Variants in BOC observed in about 807,000 individuals in gnomAD.
BOC encodes the protein BOC cell adhesion associated, oncogene regulated, also known as brother of CDO.
BOC carries 76 observed loss-of-function variants against 112.0 expected under a neutral mutation model. The observed-to-expected ratio is 0.68, with a 90% CI of 0.56 to 0.82. BOC has a LOEUF of 0.82. BOC is among the 40% of genes least tolerant of loss of function. The probability of loss-of-function intolerance (pLI) is 0.00; values close to 1 mark genes in which losing one functional copy is unlikely to be tolerated. For missense variants in BOC, 1,309 were observed against 1,511.7 expected, an observed-to-expected ratio of 0.87 and a Z score of 2.22; for synonymous variants, 580 against 599.8, an observed-to-expected ratio of 0.97 and a Z score of 0.48.
intron 2 of BOC, among the ~76,000 whole-genome samples, chr3:113,233,618 C>T (rs1024419439): frequency 1.3e-5 from 2 of 152,078 alleles, no homozygotes; most frequent in Non-Finnish European, 2.9e-5. Context: ...AGTCCTTGGT[C>T]TAACGGTCAG....
chr3:113,236,282 GTATATAT>G (rs1459447686), intron 2 of BOC, among the ~76,000 whole-genome samples: 1 of 64,520 alleles, frequency 1.5e-5, no homozygotes, highest in African/African-American at 4.4e-5. Context: ...ATACCCATGG[GTATATAT>G]ATATATATAT....
At chr3:113,217,650 T>C (rs1939704337) in intron 2 of BOC, among the ~76,000 whole-genome samples, 1 of 152,240 alleles carries the variant, frequency 6.6e-6, no homozygotes, top group Non-Finnish European at 1.5e-5. Flanking sequence ...CAAAGTGTTC[T>C]TTTATCTCTC....
chr3:113,245,895 A>T (rs1944864619), intron 2 of BOC, among the ~76,000 whole-genome samples: 1 of 152,184 alleles, frequency 6.6e-6, no homozygotes, highest in Admixed American at 6.5e-5. Flanking sequence ...CTGCCGTGGC[A>T]TGGGCGTCCA....
chr3:113,220,258 G>T (rs143454029), intron 2 of BOC, among the ~76,000 whole-genome samples: 1 of 152,296 alleles, frequency 6.6e-6, no homozygotes, highest in African/African-American at 2.4e-5. Context: ...TTAGGAGAGT[G>T]ATGGCAATTT....
chr3:113,260,656 T>TTAGAA (rs1221490195), intron 4 of BOC, among the ~76,000 whole-genome samples: 1,292 of 103,768 alleles, frequency 0.012, 31 homozygotes, highest in African/African-American at 0.049. Context: ...TTAGATTCTA[T>TTAGAA]TAGAATAGAA....
intron 6 of BOC, chr3:113,271,375 G>C (rs1428222707): frequency 1.1e-5 from 4 of 376,456 alleles, no homozygotes; most frequent in Non-Finnish European, 2.1e-5. Flanking sequence ...TCTCTGCACT[G>C]ATGAGGTGTG....
chr3:113,273,143 G>A lies in BOC; in HGVS notation c.1036G>A (p.Val346Met). ...CCAGAGTGCCAAGCTTACCTGTGAGGTGCGTGGGAACCCCCCGCCCTCCGT... is the reference window on the plus strand; with the variant it reads ...CCAGAGTGCCAAGCTTACCTGTGAGATGCGTGGGAACCCCCCGCCCTCCGT... Reference protein sequence around the residue: ...WGQSAKLTCEVRGNPPPSVLW... With the variant: ...WGQSAKLTCEMRGNPPPSVLW... Residue 346 changes from valine (V) to methionine (M), a missense_variant, in exon 8 of 20, where the codon GTG (valine) becomes ATG (methionine). Transcript: ENST00000682979. 3 of 1,613,896 alleles carry A rather than the reference G, an allele frequency of 1.9e-6. No homozygotes were observed. The highest frequency in any genetic ancestry group is 2.5e-6 in the Non-Finnish European group (3 of 1,179,862).
Position 113,249,977 on chromosome 3 carries a change from G to C in BOC, c.97+78G>C. The stretch of plus-strand genomic sequence containing the variant: ...GCATTCTACAATAACTCTTTAAAAA[G>C]GCCTTCTTTACCTGGATTTCAAAGA... On this transcript the variant is annotated intron_variant, in intron 3 of 19. Transcript: ENST00000682979. 5 of 1,282,574 alleles carry C rather than the reference G, an allele frequency of 3.9e-6. No individual in the cohort carries two copies. In the South Asian group the frequency reaches 6.5e-5, roughly 17 times the overall value. 79.4% of individuals were successfully genotyped at this position (1,282,574 alleles called of 1,614,324 possible). A position where few individuals can be genotyped will look rare whatever the true frequency, so the allele number is the denominator to read the frequency against.
chr3:113,271,206 T>G, intron 6 of BOC: 1 of 644,488 alleles, frequency 1.6e-6, no homozygotes, highest in Non-Finnish European at 2.9e-6. Flanking sequence ...CCTTCACGGT[T>G]ACTTTGCGAT....
At chr3:113,279,566 A>G (rs1948994480) in intron 12 of BOC, 111 bp downstream of exon 12, 11 of 1,054,560 alleles carry the variant, frequency 1.0e-5, no homozygotes, top group Non-Finnish European at 1.4e-5. Flanking sequence ...GCCCCCACCC[A>G]CCAGCATGCC....
chr3:113,280,082 A>T (rs962096755), intron 13 of BOC, 77 bp downstream of exon 13: 2 of 1,400,576 alleles, frequency 1.4e-6, no homozygotes, highest in East Asian at 2.5e-5. Flanking sequence ...TGGGGATTAG[A>T]CTCCCCCGAA....
chr3:113,233,198 G>A (rs1022101405), intron 2 of BOC, among the ~76,000 whole-genome samples: 25 of 64,772 alleles, frequency 3.9e-4, no homozygotes, highest in African/African-American at 8.9e-4. Context: ...TGTGTGTGTC[G>A]GGGGTTGGAG....
chr3:113,255,001 C>T (rs1559847269), intron 4 of BOC, among the ~76,000 whole-genome samples: 1 of 152,176 alleles, frequency 6.6e-6, no homozygotes, highest in African/African-American at 2.4e-5. Flanking sequence ...CCTCCCTCCA[C>T]CCCAGGTTGT....
intron 6 of BOC, 119 bp downstream of exon 6, chr3:113,271,063 G>A: frequency 6.7e-7 from 1 of 1,485,372 alleles, no homozygotes. Flanking sequence ...TGTGTGCACT[G>A]GCTTTGGCCA....
chr3:113,260,802 A>C (rs1361572670), intron 4 of BOC, among the ~76,000 whole-genome samples: 1 of 149,152 alleles, frequency 6.7e-6, no homozygotes. Flanking sequence ...GGTGAACCCT[A>C]CTGTGAACTG....
chr3:113,220,823 T>C (rs1319472239), intron 2 of BOC, among the ~76,000 whole-genome samples: 1 of 152,182 alleles, frequency 6.6e-6, no homozygotes, highest in Non-Finnish European at 1.5e-5. Context: ...GGAAAAGGAC[T>C]CGTGGCCAAA....
intron 2 of BOC, among the ~76,000 whole-genome samples, chr3:113,224,039 C>T (rs984636135): frequency 4.6e-5 from 7 of 152,202 alleles, no homozygotes; most frequent in African/African-American, 1.7e-4. Flanking sequence ...CAGAAAGACA[C>T]GAGGAGCACA....
At position 113,250,782 on chromosome 3, in the gene BOC, C is replaced by T. The variant is rs371553851; in HGVS notation, c.325C>T (p.Arg109Trp). 68 of 1,613,946 alleles carry T rather than the reference C, an allele frequency of 4.2e-5. No individual in the cohort carries two copies. Among genetic ancestry groups the T allele is most frequent in the South Asian group, 1.5e-4 (14 of 91,074 alleles). Reference protein sequence around the residue: ...HTVGRYQCVARMPAGAVASVP... With the variant: ...HTVGRYQCVAWMPAGAVASVP... Reference sequence around the variant, plus strand: ...TGTGGGACGGTACCAGTGTGTGGCCCGGATGCCTGCGGGGGCTGTGGCCAG... The same window carrying T: ...TGTGGGACGGTACCAGTGTGTGGCCTGGATGCCTGCGGGGGCTGTGGCCAG... Residue 109 changes from arginine (R) to tryptophan (W), a missense_variant, in exon 4 of 20, where the codon CGG (arginine) becomes TGG (tryptophan). Coordinates refer to ENST00000682979, the MANE Select transcript of BOC (RefSeq NM_001378074.1).
At chr3:113,283,282 T>G in intron 15 of BOC, 129 bp from the exon 16 acceptor site, 3 of 908,370 alleles carry the variant, frequency 3.3e-6, no homozygotes, top group Non-Finnish European at 5.1e-6. Flanking sequence ...ATAAGAGATT[T>G]TGAGGCCCAA....
Sources: allele counts gnomAD v4.1 joint callset (sites outside exome capture counted in the v4.1 genomes callset), GRCh38; gene constraint gnomAD v4.1.1; transcripts MANE v1.5; gene names NCBI Gene and HGNC (gene_info 2026-07-23, HGNC 2026-07-21).